CAMKMT: variants seen among roughly 807,000 people sequenced by gnomAD.
CAMKMT encodes CaM KMT.
A neutral mutation model predicts 48.0 loss-of-function variants in CAMKMT; 53 were observed. That is an observed-to-expected ratio of 1.10 (90% confidence interval 0.89 to 1.39). CAMKMT has a LOEUF of 1.39. Among genes scored for constraint, CAMKMT ranks in the 40% most tolerant of loss-of-function variants. CAMKMT has a pLI of 0.00. For missense variants in CAMKMT, 428 were observed against 402.7 expected (o/e 1.06, Z -0.54); for synonymous variants, 165 against 152.3 (o/e 1.08, Z -0.61).
intron 2 of CAMKMT, among the ~76,000 whole-genome samples, chr2:44,384,781 A>T (rs374176254): frequency 1.1e-4 from 17 of 152,184 alleles, no homozygotes; most frequent in African/African-American, 4.1e-4. Flanking sequence ...GTCAAAGATC[A>T]GTTGGCTGTA....
At chr2:44,574,290 G>A (rs1232351675) in intron 3 of CAMKMT, among the ~76,000 whole-genome samples, 2 of 152,158 alleles carry the variant, frequency 1.3e-5, no homozygotes, top group Non-Finnish European at 2.9e-5. Flanking sequence ...AGGATCGAAT[G>A]GGTGAGGTAG....
chr2:44,522,878 T>G (rs913378042), intron 3 of CAMKMT, among the ~76,000 whole-genome samples: 1 of 152,210 alleles, frequency 6.6e-6, no homozygotes, highest in Admixed American at 6.5e-5. Flanking sequence ...GCACTTCCAG[T>G]GTTCCACCTG....
Position 44,704,261 on chromosome 2 carries a change from T to A in CAMKMT, c.377-22T>A, listed in dbSNP as rs3817339. The A allele has an allele frequency of 8.9e-4, 1,427 of 1,601,376 alleles. 26 individuals are homozygous for A. The East Asian group carries it at 0.026, about 29-fold the overall frequency. On this transcript the variant is annotated intron_variant, in intron 3 of 10. Transcript: ENST00000378494. ...AAGAATGACTTCTATAATCAAAAGG[T>A]TTATCCTCTTGTGTTTTCTAGGCAT... is the stretch of plus-strand genomic sequence containing the variant.
intron 2 of CAMKMT, among the ~76,000 whole-genome samples, chr2:44,386,600 G>A (rs952713634): frequency 6.6e-6 from 1 of 151,968 alleles, no homozygotes; most frequent in Non-Finnish European, 1.5e-5. Context: ...CTTGAGGTGT[G>A]ACCTTAGACT....
At chr2:44,535,814 G>C (rs1279956985) in intron 3 of CAMKMT, among the ~76,000 whole-genome samples, 2 of 152,124 alleles carry the variant, frequency 1.3e-5, no homozygotes, top group Admixed American at 1.3e-4. Flanking sequence ...ATCCTTTCCT[G>C]TAAGAACTAG....
intron 7 of CAMKMT, among the ~76,000 whole-genome samples, chr2:44,738,232 C>CA (rs1310525687): frequency 6.6e-6 from 1 of 152,190 alleles, no homozygotes; most frequent in Non-Finnish European, 1.5e-5. Context: ...ACTCTCAAGG[C>CA]AGTAAGCTGG....
chr2:44,691,247 G>A (rs993542307), intron 3 of CAMKMT, among the ~76,000 whole-genome samples: 7 of 152,128 alleles, frequency 4.6e-5, no homozygotes, highest in African/African-American at 1.4e-4. Flanking sequence ...CAGTGCTTCC[G>A]TATCCTCTGG....
intron 3 of CAMKMT, among the ~76,000 whole-genome samples, chr2:44,584,922 G>T (rs2103788072): frequency 6.6e-6 from 1 of 152,122 alleles, no homozygotes; most frequent in South Asian, 2.1e-4. Flanking sequence ...GGGCGTGGTG[G>T]TGGGCGCCTG....
At chr2:44,403,578 G>C (rs1420533120) in intron 3 of CAMKMT, among the ~76,000 whole-genome samples, 1 of 152,048 alleles carries the variant, frequency 6.6e-6, no homozygotes, top group Non-Finnish European at 1.5e-5. Flanking sequence ...TCAGCTTTTT[G>C]TGCCTTTATG....
At position 44,588,212 on chromosome 2, in the gene CAMKMT, G is replaced by A. The variant is rs1399397717; in HGVS notation, c.377-116071G>A. Among the ~76,000 whole-genome samples, 824 of 118,074 alleles carry A rather than the reference G, an allele frequency of 7.0e-3. 8 individuals carry two copies. The highest frequency in any genetic ancestry group is 0.015 in the East Asian group (68 of 4,422). 77.5% of individuals were successfully genotyped at this position (118,074 alleles called of 152,430 possible). On this transcript the variant is annotated intron_variant, in intron 3 of 10. Coordinates refer to ENST00000378494, the MANE Select transcript of CAMKMT (RefSeq NM_024766.5). ...AAACCCTCTGCCTGGCAACCGCCCC[G>A]TCTGAGAAGTGAGGAGCCCCTCCGT...
chr2:44,410,320 G>A (rs1240645752), intron 3 of CAMKMT, among the ~76,000 whole-genome samples: 3 of 83,878 alleles, frequency 3.6e-5, no homozygotes, highest in Non-Finnish European at 5.0e-5. Context: ...GCAGTGGCGC[G>A]ATCTTGGCTC....
intron 3 of CAMKMT, among the ~76,000 whole-genome samples, chr2:44,399,741 C>A (rs950028375): frequency 2.6e-5 from 4 of 152,008 alleles, no homozygotes; most frequent in Non-Finnish European, 5.9e-5. Context: ...AGGAAGACGG[C>A]TGTCAATGTA....
Position 44,530,687 on chromosome 2 carries a change from G to T in CAMKMT, c.376+140382G>T, listed in dbSNP as rs139179095. The stretch of plus-strand genomic sequence containing the variant: ...TTTGATGAATTATTTAGTATTTTTT[G>T]ATGGTTTTGGGTGATGTGCCTCCAC... On this transcript the variant is annotated intron_variant, in intron 3 of 10. Coordinates refer to ENST00000378494, the MANE Select transcript of CAMKMT (RefSeq NM_024766.5). 1.3e-3 allele frequency among the ~76,000 whole-genome samples: 192 copies of T among 152,100 alleles called. 1 individual carries two copies. The highest frequency in any genetic ancestry group is 4.1e-3 in the African/African-American group (171 of 41,526).
At chr2:44,514,322 T>C (rs1670727940) in intron 3 of CAMKMT, among the ~76,000 whole-genome samples, 2 of 150,500 alleles carry the variant, frequency 1.3e-5, no homozygotes, top group South Asian at 4.2e-4. Context: ...TGCCAGACCT[T>C]GGTGACTGAC....
chr2:44,520,341 T>C (rs1671040987), intron 3 of CAMKMT, among the ~76,000 whole-genome samples: 1 of 152,142 alleles, frequency 6.6e-6, no homozygotes, highest in African/African-American at 2.4e-5. Context: ...TCCTCTTATC[T>C]ATCTCAGCCT....
At chr2:44,638,048 C>G (rs1268390476) in intron 3 of CAMKMT, among the ~76,000 whole-genome samples, 1 of 117,268 alleles carries the variant, frequency 8.5e-6, no homozygotes, top group Non-Finnish European at 1.9e-5. Flanking sequence ...GAGCGAGACT[C>G]CATCTCAAAC....
At position 44,632,162 on chromosome 2, in the gene CAMKMT, A is replaced by G. The variant is rs1447186504; in HGVS notation, c.377-72121A>G. On this transcript the variant is annotated intron_variant, in intron 3 of 10. Transcript: ENST00000378494. ...TTTTCAGCACTCTTCACTGATTTTT[A>G]TATATACCTGAGTTTCTATGTAGTA... Among the ~76,000 whole-genome samples the G allele has an allele frequency of 2.6e-5, 4 of 152,094 alleles. No individual in the cohort carries two copies. The South Asian group carries it at 6.2e-4, about 24-fold the overall frequency.
At chr2:44,747,204 T>A (rs1228617306) in intron 8 of CAMKMT, among the ~76,000 whole-genome samples, 1 of 152,246 alleles carries the variant, frequency 6.6e-6, no homozygotes, top group African/African-American at 2.4e-5. Context: ...ACTTGCTATA[T>A]ACTCTAAATT....
At chr2:44,414,785 C>G (rs951383846) in intron 3 of CAMKMT, among the ~76,000 whole-genome samples, 5 of 152,178 alleles carry the variant, frequency 3.3e-5, no homozygotes, top group African/African-American at 7.2e-5. Context: ...CTCTAGCTGG[C>G]TATCTGTAAG....
Sources: gnomAD v4.1 joint callset for allele counts (sites outside exome capture counted in the v4.1 genomes callset) on GRCh38, gnomAD v4.1.1 for gene constraint, MANE v1.5 for transcripts, NCBI Gene and HGNC (gene_info 2026-07-23, HGNC 2026-07-21) for gene names.